Variants in CBFA2T2 observed in about 807,000 individuals in gnomAD.
CBFA2T2 encodes the protein protein CBFA2T2.
In CBFA2T2, 11 loss-of-function variants were observed where a neutral mutation model predicts 62.2. The ratio of observed to expected loss-of-function variants is 0.18; its 90% confidence interval spans 0.11 to 0.29. The LOEUF is 0.29. Among genes scored for constraint, CBFA2T2 ranks in the 10% least tolerant of loss-of-function variants. The pLI, the probability that CBFA2T2 is intolerant of heterozygous loss-of-function variation, is 1.00. For missense variants in CBFA2T2, 592 were observed against 774.1 expected (o/e 0.76, Z 2.79); for synonymous variants, 295 against 287.5 (o/e 1.03, Z -0.27).
intron 1 of CBFA2T2, among the ~76,000 whole-genome samples, chr20:33,579,115 GTT>G (rs533821689): frequency 5.5e-5 from 7 of 128,238 alleles, no homozygotes; most frequent in Non-Finnish European, 8.5e-5. Context: ...GTTTTTTTTT[GTT>G]TTTTTTTTTT....
intron 1 of CBFA2T2, chr20:33,574,043 C>T: frequency 3.0e-6 from 4 of 1,354,500 alleles, no homozygotes; most frequent in Non-Finnish European, 2.9e-6. Context: ...CCCATGTTGG[C>T]TGCCCAAAGT....
chr20:33,607,206 C>A, intron 2 of CBFA2T2, 107 bp downstream of exon 2: 1 of 1,018,806 alleles, frequency 9.8e-7, no homozygotes, highest in East Asian at 2.7e-5. Flanking sequence ...TTTCAAAGTA[C>A]TATTGAAAAT....
intron 1 of CBFA2T2, among the ~76,000 whole-genome samples, chr20:33,582,692 A>G (rs1326166764): frequency 1.3e-5 from 2 of 152,176 alleles, no homozygotes; most frequent in Admixed American, 1.3e-4. Flanking sequence ...CTGTAATCCC[A>G]GCATTTTGGG....
At chr20:33,563,575 G>A (rs2013170213) in intron 1 of CBFA2T2, among the ~76,000 whole-genome samples, 1 of 151,914 alleles carries the variant, frequency 6.6e-6, no homozygotes, top group African/African-American at 2.4e-5. Flanking sequence ...TCCTTTCCAT[G>A]TTCTATGGAA....
intron 1 of CBFA2T2, among the ~76,000 whole-genome samples, chr20:33,536,773 G>A (rs1422679639): frequency 1.3e-5 from 2 of 151,638 alleles, no homozygotes; most frequent in Non-Finnish European, 2.9e-5. Context: ...GGCGATGGGC[G>A]GCCGGGCAGA....
chr20:33,536,701 C>T (rs935195102), intron 1 of CBFA2T2, among the ~76,000 whole-genome samples: 7 of 132,424 alleles, frequency 5.3e-5, no homozygotes, highest in African/African-American at 1.2e-4. Flanking sequence ...CAGACGGGGT[C>T]GCAGCCGGGT....
intron 1 of CBFA2T2, among the ~76,000 whole-genome samples, chr20:33,549,088 TATA>T (rs556968477): frequency 6.6e-6 from 1 of 152,188 alleles, no homozygotes; most frequent in Non-Finnish European, 1.5e-5. Context: ...TGCATATTCT[TATA>T]ATCTGGGACG....
chr20:33,580,158 T>C (rs2014046672), intron 1 of CBFA2T2, among the ~76,000 whole-genome samples: 1 of 152,150 alleles, frequency 6.6e-6, no homozygotes, highest in South Asian at 2.1e-4. Context: ...TATTCTTGAA[T>C]TTTAAAAACT....
At chr20:33,502,979 T>C (rs2011318254) in intron 1 of CBFA2T2, among the ~76,000 whole-genome samples, 4 of 146,574 alleles carry the variant, frequency 2.7e-5, no homozygotes, top group Non-Finnish European at 6.0e-5. Flanking sequence ...TAGTCCCAGC[T>C]ACTCCGGAGG....
intron 1 of CBFA2T2, among the ~76,000 whole-genome samples, chr20:33,602,831 A>T (rs1370199133): frequency 2.0e-5 from 3 of 152,172 alleles, no homozygotes; most frequent in African/African-American, 7.2e-5. Flanking sequence ...AATTGCCAGC[A>T]TCACTCCTCT....
chr20:33,632,110 C>T (rs1340341516), intron 8 of CBFA2T2, among the ~76,000 whole-genome samples: 1 of 151,790 alleles, frequency 6.6e-6, no homozygotes, highest in Non-Finnish European at 1.5e-5. Context: ...GAATGCAGTG[C>T]ACATTCTTGG....
chr20:33,534,098 G>A (rs1019544786), intron 1 of CBFA2T2, among the ~76,000 whole-genome samples: 2 of 152,108 alleles, frequency 1.3e-5, no homozygotes, highest in African/African-American at 4.8e-5. Flanking sequence ...CAGACAAAGT[G>A]TTGGGATTAC....
rs2011376411 is a variant in CBFA2T2 at position 33,505,002 on chromosome 20, G to C, written c.34+14701G>C. Among the ~76,000 whole-genome samples, 6 of 152,050 alleles carry C rather than the reference G, an allele frequency of 3.9e-5. No homozygotes were observed. In the South Asian group the frequency reaches 1.2e-3, roughly 32 times the overall value. On this transcript the variant is annotated intron_variant, in intron 1 of 10. Coordinates refer to ENST00000342704, the MANE Select transcript of CBFA2T2 (RefSeq NM_001032999.3). ...TTTACACATCATTTGCAGAAATAATGGTAACTACCATTTGTGTATCAGAAC... is the reference window on the plus strand; with the variant it reads ...TTTACACATCATTTGCAGAAATAATCGTAACTACCATTTGTGTATCAGAAC...
intron 1 of CBFA2T2, among the ~76,000 whole-genome samples, chr20:33,535,597 G>A (rs1412456158): frequency 1.5e-5 from 2 of 136,708 alleles, no homozygotes; most frequent in South Asian, 2.2e-4. Flanking sequence ...CATGGATTGA[G>A]TTTTATTTTT....
intron 3 of CBFA2T2, among the ~76,000 whole-genome samples, chr20:33,616,089 A>G (rs1049833310): frequency 1.2e-4 from 16 of 138,176 alleles, no homozygotes; most frequent in Non-Finnish European, 1.9e-4. Context: ...AGATAGATAG[A>G]TAGATAGATA....
intron 1 of CBFA2T2, among the ~76,000 whole-genome samples, chr20:33,532,326 G>A (rs1347556225): frequency 6.6e-6 from 1 of 152,178 alleles, no homozygotes; most frequent in Non-Finnish European, 1.5e-5. Context: ...CAACGAAGAG[G>A]GAACTTAGGA....
intron 1 of CBFA2T2, among the ~76,000 whole-genome samples, chr20:33,562,154 C>T (rs1484878997): frequency 2.0e-5 from 3 of 152,134 alleles, no homozygotes; most frequent in African/African-American, 7.2e-5. Flanking sequence ...CTGTGTGTCT[C>T]TACGTGTTAT....
intron 1 of CBFA2T2, among the ~76,000 whole-genome samples, chr20:33,587,642 G>T (rs932683628): frequency 1.1e-4 from 17 of 149,786 alleles, no homozygotes; most frequent in Admixed American, 8.6e-4. Context: ...CTCATGATCC[G>T]CCTGCCTCAG....
intron 8 of CBFA2T2, among the ~76,000 whole-genome samples, chr20:33,630,807 T>G (rs17124851): frequency 0.03 from 4,578 of 152,274 alleles, 209 homozygotes; most frequent in African/African-American, 0.1. Context: ...AAGGCAGCTA[T>G]TAGTCTCTAA....
Sources: allele counts gnomAD v4.1 joint callset (sites outside exome capture counted in the v4.1 genomes callset), GRCh38; gene constraint gnomAD v4.1.1; transcripts MANE v1.5; gene names NCBI Gene and HGNC (gene_info 2026-07-23, HGNC 2026-07-21).